The following RALGAPA2 variants were observed in gnomAD, a reference collection of about 807,000 sequenced individuals.
RALGAPA2 encodes Ral GTPase activating protein catalytic subunit alpha 2.
Under a neutral mutation model 230.4 loss-of-function variants are expected in RALGAPA2, and 139 were observed. The observed-to-expected ratio is 0.60, with a 90% CI of 0.53 to 0.69. The LOEUF (loss-of-function observed/expected upper bound fraction) is 0.69. Among genes scored for constraint, RALGAPA2 ranks in the 30% least tolerant of loss-of-function variants. The probability of loss-of-function intolerance (pLI) is 0.00; values close to 1 mark genes in which losing one functional copy is unlikely to be tolerated. For missense variants in RALGAPA2, 2,163 were observed against 2,276.0 expected (o/e 0.95, Z 1.01); for synonymous variants, 847 against 837.8 (o/e 1.01, Z -0.19).
intron 37 of RALGAPA2, among the ~76,000 whole-genome samples, chr20:20,465,734 T>C (rs1376711676): frequency 6.6e-6 from 1 of 152,160 alleles, no homozygotes; most frequent in Non-Finnish European, 1.5e-5. Context: ...ACGGGCCTCA[T>C]TTCCATGCAC....
At chr20:20,444,842 A>G (rs1569406354) in intron 37 of RALGAPA2, among the ~76,000 whole-genome samples, 1 of 152,236 alleles carries the variant, frequency 6.6e-6, no homozygotes. Flanking sequence ...GAAAATATTA[A>G]ATGGAAGATT....
intron 1 of RALGAPA2, among the ~76,000 whole-genome samples, chr20:20,685,103 A>G (rs2068653192): frequency 6.6e-6 from 1 of 152,004 alleles, no homozygotes; most frequent in Non-Finnish European, 1.5e-5. Flanking sequence ...AAACAGAGAT[A>G]TAACAGGAAG....
chr20:20,426,268 G>A (rs1465164671), intron 37 of RALGAPA2, among the ~76,000 whole-genome samples: 1 of 152,212 alleles, frequency 6.6e-6, no homozygotes, highest in Non-Finnish European at 1.5e-5. Context: ...AGTGTGGTTT[G>A]AAATTTTTAT....
intron 37 of RALGAPA2, among the ~76,000 whole-genome samples, chr20:20,422,584 C>T (rs2060299034): frequency 6.6e-6 from 1 of 152,112 alleles, no homozygotes; most frequent in Non-Finnish European, 1.5e-5. Flanking sequence ...AAAAAAATGC[C>T]CCCCAAAATG....
At chr20:20,584,281 T>C (rs1416820291) in intron 19 of RALGAPA2, among the ~76,000 whole-genome samples, 1 of 152,236 alleles carries the variant, frequency 6.6e-6, no homozygotes, top group Admixed American at 6.5e-5. Context: ...TGCTTTTTGC[T>C]TCTAGCCTCT....
chr20:20,502,504 T>C (rs898745226), intron 35 of RALGAPA2, among the ~76,000 whole-genome samples: 2 of 152,230 alleles, frequency 1.3e-5, no homozygotes, highest in Non-Finnish European at 2.9e-5. Context: ...TTAATCTCAC[T>C]TAATAGATGA....
rs1453498964 is a variant in RALGAPA2, at chr20:20,491,932, C to T, written c.5367+3185G>A. ...TTATGCGTTCACACAAGCACACCCA[C>T]ACTTCTTCAACATACCATTTCACAA... On this transcript the variant is annotated intron_variant, in intron 36 of 39. Transcript: ENST00000202677. Among the ~76,000 whole-genome samples the T allele has an allele frequency of 2.6e-5, 4 of 152,038 alleles. No homozygotes were observed. The East Asian group carries it at 7.7e-4, about 29-fold the overall frequency.
chr20:20,688,567 CCCA>C (rs2068786988), intron 1 of RALGAPA2, among the ~76,000 whole-genome samples: 1 of 152,108 alleles, frequency 6.6e-6, no homozygotes, highest in Non-Finnish European at 1.5e-5. Context: ...CCTAGTCATC[CCCA>C]CAAGTCAGTT....
At chr20:20,406,654 G>A (rs996853654) in intron 38 of RALGAPA2, among the ~76,000 whole-genome samples, 2 of 152,226 alleles carry the variant, frequency 1.3e-5, no homozygotes, top group Non-Finnish European at 2.9e-5. Context: ...GCACACACCT[G>A]TAATCCTAGT....
chr20:20,534,755 G>A (rs1205990693), intron 26 of RALGAPA2, among the ~76,000 whole-genome samples: 1 of 152,064 alleles, frequency 6.6e-6, no homozygotes, highest in Non-Finnish European at 1.5e-5. Context: ...TACTTATTTT[G>A]TGAGACTTTA....
At chr20:20,601,646 A>G in intron 16 of RALGAPA2, 36 bp downstream of exon 16, 3 of 1,592,270 alleles carry the variant, frequency 1.9e-6, no homozygotes, top group Non-Finnish European at 2.6e-6. Flanking sequence ...TTAGATAACA[A>G]TTAGATTTTT....
intron 23 of RALGAPA2, among the ~76,000 whole-genome samples, chr20:20,552,114 A>C (rs886413496): frequency 1.3e-5 from 2 of 152,228 alleles, no homozygotes; most frequent in African/African-American, 4.8e-5. Context: ...ACAAATGTTC[A>C]AGAAGTAGCC....
At chr20:20,567,621 G>A (rs1001110102) in intron 23 of RALGAPA2, among the ~76,000 whole-genome samples, 1 of 152,144 alleles carries the variant, frequency 6.6e-6, no homozygotes, top group Non-Finnish European at 1.5e-5. Flanking sequence ...GCCTGTATGT[G>A]AATTCTAACA....
In RALGAPA2 at chr20:20,703,790, G is replaced by T. The variant is rs768804529; in HGVS notation, c.106+8585C>A. The stretch of plus-strand genomic sequence containing the variant: ...ACAATGAAAGGCATAAAGGAAAGAA[G>T]ACTATGGACGACATGGCGGGTTCCT... On this transcript the variant is annotated intron_variant, in intron 1 of 39. Coordinates refer to ENST00000202677, the MANE Select transcript of RALGAPA2 (RefSeq NM_020343.4). 5.3e-5 allele frequency among the ~76,000 whole-genome samples: 8 copies of T among 152,318 alleles called. No individual in the cohort carries two copies. In the South Asian group the frequency reaches 1.2e-3, roughly 24 times the overall value.
chr20:20,613,436 C>G (rs775635283), intron 13 of RALGAPA2, among the ~76,000 whole-genome samples: 2 of 152,224 alleles, frequency 1.3e-5, no homozygotes, highest in African/African-American at 2.4e-5. Context: ...GGCTACAGCC[C>G]TGGTCTCAGC....
At chr20:20,429,354 C>A (rs560169005) in intron 37 of RALGAPA2, among the ~76,000 whole-genome samples, 2 of 152,170 alleles carry the variant, frequency 1.3e-5, no homozygotes, top group Admixed American at 1.3e-4. Flanking sequence ...TTGGTGCTAA[C>A]AGGAAGAATA....
intron 4 of RALGAPA2, among the ~76,000 whole-genome samples, chr20:20,646,588 T>C (rs2067223319): frequency 6.6e-6 from 1 of 152,190 alleles, no homozygotes; most frequent in Admixed American, 6.5e-5. Flanking sequence ...GGCTAACTTT[T>C]ACTACATTTT....
intron 3 of RALGAPA2, among the ~76,000 whole-genome samples, chr20:20,655,680 G>A (rs1568713144): frequency 6.6e-6 from 1 of 152,180 alleles, no homozygotes; most frequent in Admixed American, 6.5e-5. Context: ...GGTTCCAGCT[G>A]GAGGTGAACT....
intron 34 of RALGAPA2, chr20:20,504,884 G>A: frequency 1.7e-6 from 1 of 592,600 alleles, no homozygotes; most frequent in Non-Finnish European, 2.1e-6. Flanking sequence ...ATATATGTCT[G>A]TATGTCAGAG....
Sources: gnomAD v4.1 joint callset for allele counts (sites outside exome capture counted in the v4.1 genomes callset) on GRCh38, gnomAD v4.1.1 for gene constraint, MANE v1.5 for transcripts, NCBI Gene and HGNC (gene_info 2026-07-23, HGNC 2026-07-21) for gene names.